Variants in ZNF385B observed in about 807,000 individuals in gnomAD.
ZNF385B encodes zinc finger protein 533.
ZNF385B carries 23 observed loss-of-function variants against 39.2 expected under a neutral mutation model. The observed-to-expected ratio is 0.59, with a 90% CI of 0.42 to 0.83. The LOEUF (loss-of-function observed/expected upper bound fraction) is 0.83. Among genes scored for constraint, ZNF385B ranks in the 40% least tolerant of loss-of-function variants. The probability of loss-of-function intolerance (pLI) is 0.00; values close to 1 mark genes in which losing one functional copy is unlikely to be tolerated. For synonymous variants in ZNF385B, 205 were observed against 222.6 expected (o/e 0.92, Z 0.70); for missense variants, 552 against 598.9 (o/e 0.92, Z 0.82).
At chr2:179,585,916 C>A (rs1359149033) in intron 3 of ZNF385B, 2 of 152,198 alleles carry the variant, frequency 1.3e-5, no homozygotes, top group Non-Finnish European at 1.5e-5. Flanking sequence ...CTCTAGAACA[C>A]ATATACGAAC....
intron 3 of ZNF385B, among the ~76,000 whole-genome samples, chr2:179,649,611 G>A (rs1693033198): frequency 1.3e-5 from 2 of 152,248 alleles, no homozygotes; most frequent in South Asian, 4.1e-4. Flanking sequence ...ATAGTACTAA[G>A]TAAAAATATA....
intron 3 of ZNF385B, among the ~76,000 whole-genome samples, chr2:179,687,880 A>G (rs1021760315): frequency 6.6e-6 from 1 of 152,254 alleles, no homozygotes. Flanking sequence ...ACTAGAAGCT[A>G]CTATATTGCT....
chr2:179,792,051 C>T lies in ZNF385B; in HGVS notation c.-154-21379G>A, dbSNP rs1417580408. Among the ~76,000 whole-genome samples the T allele has an allele frequency of 3.3e-5, 5 of 152,122 alleles. No individual in the cohort carries two copies. The South Asian group carries it at 8.3e-4, about 25-fold the overall frequency. On this transcript the variant is annotated intron_variant, in intron 1 of 9. Transcript: ENST00000410066. ...TGCTGGGATTACAGACATGAGCCAC[C>T]GTGCCCGGCTTTACTTTTTATTTTC...
At chr2:179,705,746 T>G (rs1575292607) in intron 3 of ZNF385B, among the ~76,000 whole-genome samples, 1 of 152,248 alleles carries the variant, frequency 6.6e-6, no homozygotes, top group African/African-American at 2.4e-5. Context: ...TATCTTAGGC[T>G]TTGCCAACCT....
intron 4 of ZNF385B, among the ~76,000 whole-genome samples, chr2:179,521,327 T>C (rs1043389398): frequency 2.2e-4 from 32 of 147,852 alleles, no homozygotes; most frequent in Non-Finnish European, 4.0e-4. Flanking sequence ...GCTGGGATTA[T>C]AGGCACCCAC....
intron 5 of ZNF385B, among the ~76,000 whole-genome samples, chr2:179,499,924 A>G (rs1413740602): frequency 1.3e-5 from 2 of 151,602 alleles, no homozygotes; most frequent in East Asian, 3.9e-4. Flanking sequence ...TAGGACTGAT[A>G]AAAAAAATTC....
chr2:179,726,301 T>G (rs1435360690), intron 3 of ZNF385B, among the ~76,000 whole-genome samples: 1 of 152,078 alleles, frequency 6.6e-6, no homozygotes, highest in Non-Finnish European at 1.5e-5. Context: ...TCTTAATGCA[T>G]GTCTTGCACC....
At chr2:179,601,654 A>G (rs925241915) in intron 3 of ZNF385B, among the ~76,000 whole-genome samples, 4 of 152,106 alleles carry the variant, frequency 2.6e-5, no homozygotes, top group Admixed American at 2.6e-4. Flanking sequence ...TTGGGACACT[A>G]TTTTAGCAAT....
intron 3 of ZNF385B, among the ~76,000 whole-genome samples, chr2:179,734,760 T>C (rs1442953891): frequency 6.6e-6 from 1 of 152,122 alleles, no homozygotes; most frequent in Non-Finnish European, 1.5e-5. Context: ...ATAAGTACAA[T>C]AATAGAATAT....
chr2:179,537,767 A>AAC lies in ZNF385B; in HGVS notation c.441+7059_441+7060insGT, dbSNP rs1553602332. ...AAAACAAACAAACAAACAAACAAAC[A>AAC]AAAAAAAAAATTAATAGAAATGTAA... On this transcript the variant is annotated intron_variant, in intron 4 of 9. Coordinates refer to ENST00000410066, the MANE Select transcript of ZNF385B (RefSeq NM_152520.6). Among the ~76,000 whole-genome samples, 361 of 125,314 alleles carry AAC rather than the reference A, an allele frequency of 2.9e-3. 2 individuals are homozygous for AAC. Among genetic ancestry groups the AAC allele is most frequent in the African/African-American group, 0.01 (337 of 33,228 alleles). The allele number at this position is 125,314 out of a possible 152,430, so 82.2% of individuals were successfully genotyped here.
chr2:179,665,862 T>C (rs996651716), intron 3 of ZNF385B, among the ~76,000 whole-genome samples: 2 of 152,124 alleles, frequency 1.3e-5, no homozygotes, highest in African/African-American at 4.8e-5. Flanking sequence ...GCTCAATGTA[T>C]ACCCACTCTA....
intron 3 of ZNF385B, among the ~76,000 whole-genome samples, chr2:179,550,735 C>T (rs190163932): frequency 6.7e-6 from 1 of 149,386 alleles, no homozygotes; most frequent in East Asian, 1.9e-4. Flanking sequence ...GGACAAAGTG[C>T]ATTTTTTTGA....
rs182009674 is a variant in ZNF385B at position 179,596,308 on chromosome 2, G to C, written c.299-51339C>G. On this transcript the variant is annotated intron_variant, in intron 3 of 9. Coordinates refer to ENST00000410066, the MANE Select transcript of ZNF385B (RefSeq NM_152520.6). Reference sequence around the variant, plus strand: ...AGTCATTCATCTTTTTTGAACAGTAGTTTGAAACTAAGTAGTTTTATCAGC... The same window carrying C: ...AGTCATTCATCTTTTTTGAACAGTACTTTGAAACTAAGTAGTTTTATCAGC... Among the ~76,000 whole-genome samples, 118 of 152,276 alleles carry C rather than the reference G, an allele frequency of 7.7e-4. 3 individuals carry two copies. The East Asian group carries it at 0.02, about 26-fold the overall frequency.
chr2:179,856,245 G>T (rs1208444714), intron 1 of ZNF385B, among the ~76,000 whole-genome samples: 1 of 152,108 alleles, frequency 6.6e-6, no homozygotes, highest in African/African-American at 2.4e-5. Context: ...TAAAGTTCAA[G>T]TTGTTTATCT....
At chr2:179,508,392 T>C (rs1026687425) in intron 5 of ZNF385B, among the ~76,000 whole-genome samples, 5 of 152,112 alleles carry the variant, frequency 3.3e-5, no homozygotes. Flanking sequence ...ACTAAAGAAA[T>C]CCATACCAAG....
chr2:179,765,122 C>T (rs887214050), intron 3 of ZNF385B, among the ~76,000 whole-genome samples: 1 of 152,186 alleles, frequency 6.6e-6, no homozygotes, highest in Non-Finnish European at 1.5e-5. Context: ...TTCCTTTCTC[C>T]TACTGGTTCT....
chr2:179,498,852 A>C (rs1290343263), intron 5 of ZNF385B, among the ~76,000 whole-genome samples: 1 of 151,912 alleles, frequency 6.6e-6, no homozygotes, highest in Non-Finnish European at 1.5e-5. Flanking sequence ...TGACATGAAA[A>C]ACCAATACAA....
At chr2:179,629,294 T>C (rs1352708693) in intron 3 of ZNF385B, among the ~76,000 whole-genome samples, 2 of 152,206 alleles carry the variant, frequency 1.3e-5, no homozygotes, top group African/African-American at 2.4e-5. Flanking sequence ...TCAGCCAGCA[T>C]CTGAAATTTT....
intron 3 of ZNF385B, among the ~76,000 whole-genome samples, chr2:179,562,940 A>G (rs1043949719): frequency 6.6e-6 from 1 of 152,192 alleles, no homozygotes; most frequent in East Asian, 1.9e-4. Context: ...TGTTCTCACA[A>G]CAAACTTTAT....
Sources: allele counts gnomAD v4.1 joint callset (sites outside exome capture counted in the v4.1 genomes callset), GRCh38; gene constraint gnomAD v4.1.1; transcripts MANE v1.5; gene names NCBI Gene and HGNC (gene_info 2026-07-23, HGNC 2026-07-21).